The following RABGAP1L variants were observed in gnomAD, a reference collection of about 807,000 sequenced individuals.
RABGAP1L encodes rab GTPase-activating protein 1-like.
In RABGAP1L, 63 loss-of-function variants were observed where a neutral mutation model predicts 137.7. The ratio of observed to expected loss-of-function variants is 0.46; its 90% CI spans 0.37 to 0.56. The LOEUF is 0.56. Ranked by LOEUF, RABGAP1L falls within the 20% of genes least tolerant of loss-of-function variation. The pLI is 0.00. For missense variants in RABGAP1L, 1,095 were observed against 1,244.0 expected, an observed-to-expected ratio of 0.88 and a Z score of 1.80; for synonymous variants, 431 against 433.7, an observed-to-expected ratio of 0.99 and a Z score of 0.08.
intron 11 of RABGAP1L, 28 bp downstream of exon 11, chr1:174,305,155 T>G: frequency 1.3e-6 from 2 of 1,502,150 alleles, no homozygotes; most frequent in Non-Finnish European, 1.8e-6. Context: ...CTCAGTTTAT[T>G]CTGTCTGTAT....
intron 13 of RABGAP1L, among the ~76,000 whole-genome samples, chr1:174,620,266 G>A (rs1344641702): frequency 2.0e-5 from 3 of 152,106 alleles, no homozygotes; most frequent in Non-Finnish European, 4.4e-5. Context: ...ATTGAACTCA[G>A]CTCTGCACCA....
chr1:174,540,694 T>C (rs1211633545), intron 13 of RABGAP1L, among the ~76,000 whole-genome samples: 1 of 151,726 alleles, frequency 6.6e-6, no homozygotes, highest in Admixed American at 6.6e-5. Context: ...TTGGTTACTG[T>C]AGTCTTGTAG....
intron 13 of RABGAP1L, among the ~76,000 whole-genome samples, chr1:174,515,195 G>T (rs925643706): frequency 4.6e-5 from 7 of 152,198 alleles, no homozygotes; most frequent in African/African-American, 1.7e-4. Flanking sequence ...ATCCTATGAA[G>T]TAGTTACTAT....
intron 13 of RABGAP1L, among the ~76,000 whole-genome samples, chr1:174,427,147 TG>T (rs1652057685): frequency 6.5e-4 from 13 of 20,138 alleles, no homozygotes; most frequent in Admixed American, 1.4e-3. Flanking sequence ...CATGTTTATG[TG>T]TGTGTGTGTG....
At chr1:174,784,572 G>A (rs758403314) in intron 18 of RABGAP1L, among the ~76,000 whole-genome samples, 3 of 152,168 alleles carry the variant, frequency 2.0e-5, no homozygotes, top group Non-Finnish European at 4.4e-5. Context: ...TGTAAAGGTT[G>A]AGTTGAGTAG....
chr1:174,260,925 C>G (rs75794924), intron 7 of RABGAP1L, among the ~76,000 whole-genome samples: 1 of 151,218 alleles, frequency 6.6e-6, no homozygotes, highest in Admixed American at 6.6e-5. Flanking sequence ...CCAAGTATTA[C>G]TTCTTATTTC....
At chr1:174,840,322 A>G (rs6687616) in intron 19 of RABGAP1L, among the ~76,000 whole-genome samples, 31,846 of 152,166 alleles carry the variant, frequency 0.21, 3,659 homozygotes, top group Admixed American at 0.25. Flanking sequence ...CCTATCTTCA[A>G]AGAAAGATAT....
chr1:174,815,619 A>G lies in RABGAP1L; in HGVS notation c.2340+3659A>G, dbSNP rs114018356. Among the ~76,000 whole-genome samples the G allele has an allele frequency of 1.8e-3, 277 of 152,338 alleles. 1 individual carries two copies. The highest frequency in any genetic ancestry group is 6.3e-3 in the African/African-American group (264 of 41,588). ...CTTTAAAATAGATGCAGCAGTTGCA[A>G]GCAAAAAATAACTTGTTAGCTCTGT... On this transcript the variant is annotated intron_variant, in intron 19 of 25. Transcript: ENST00000681986.
At chr1:174,568,665 A>G (rs1308976506) in intron 13 of RABGAP1L, among the ~76,000 whole-genome samples, 2 of 152,144 alleles carry the variant, frequency 1.3e-5, no homozygotes, top group Admixed American at 6.5e-5. Context: ...GGATGCCACT[A>G]AAGTTTTATT....
intron 7 of RABGAP1L, among the ~76,000 whole-genome samples, chr1:174,262,196 C>G (rs576845907): frequency 6.6e-6 from 1 of 152,328 alleles, no homozygotes; most frequent in East Asian, 1.9e-4. Flanking sequence ...AAGCTTCTAT[C>G]TGACTCTCAG....
intron 21 of RABGAP1L, among the ~76,000 whole-genome samples, chr1:174,970,953 A>G (rs546465629): frequency 6.6e-6 from 1 of 151,930 alleles, no homozygotes; most frequent in Non-Finnish European, 1.5e-5. Flanking sequence ...TAAACAGTAA[A>G]CATTTATAAT....
rs140213139 is a variant in RABGAP1L at position 174,436,819 on chromosome 1, C to T, written c.1710+42674C>T. Among the ~76,000 whole-genome samples the T allele has an allele frequency of 2.0e-5, 3 of 152,286 alleles. No individual in the cohort carries two copies. In the East Asian group the frequency reaches 5.8e-4, roughly 29 times the overall value. ...GTAGCCTAATTGGGAGGCAACCCCC[C>T]AGTAGGGGCAGACTGAAACCTCACA... On this transcript the variant is annotated intron_variant, in intron 13 of 25. Coordinates refer to ENST00000681986, the MANE Select transcript of RABGAP1L (RefSeq NM_001366446.1).
At chr1:174,510,985 C>CAG (rs1247742960) in intron 13 of RABGAP1L, among the ~76,000 whole-genome samples, 1 of 152,076 alleles carries the variant, frequency 6.6e-6, no homozygotes, top group Non-Finnish European at 1.5e-5. Context: ...GAAGCAAAAG[C>CAG]AGAATCATGA....
rs572197268 is a variant in RABGAP1L, at chr1:174,341,745, A to G, written c.1466-29234A>G. 2.0e-5 allele frequency among the ~76,000 whole-genome samples: 3 copies of G among 152,306 alleles called. No homozygotes were observed. The South Asian group carries it at 6.2e-4, about 32-fold the overall frequency. On this transcript the variant is annotated intron_variant, in intron 11 of 25. Coordinates refer to ENST00000681986, the MANE Select transcript of RABGAP1L (RefSeq NM_001366446.1). The stretch of plus-strand genomic sequence containing the variant: ...ATTCTTATCTTTGTTTTTCAAGGCA[A>G]ATAATTATCTTATGACCTGAAGATT...
intron 13 of RABGAP1L, among the ~76,000 whole-genome samples, chr1:174,475,772 T>TA (rs61597461): frequency 0.018 from 1,238 of 69,922 alleles, 91 homozygotes; most frequent in Non-Finnish European, 0.022. Context: ...CCCCGTGTCT[T>TA]AAAAAAAAAA....
intron 13 of RABGAP1L, among the ~76,000 whole-genome samples, chr1:174,600,347 C>A (rs977410071): frequency 6.6e-6 from 1 of 152,164 alleles, no homozygotes. Flanking sequence ...CATGTCCTCA[C>A]ATTTCAGTAC....
intron 13 of RABGAP1L, among the ~76,000 whole-genome samples, chr1:174,596,626 A>C (rs549427027): frequency 7.2e-5 from 11 of 152,282 alleles, no homozygotes; most frequent in African/African-American, 2.4e-4. Flanking sequence ...TTAAGTCTTT[A>C]GGTTTTTCTA....
intron 17 of RABGAP1L, among the ~76,000 whole-genome samples, chr1:174,731,199 T>G (rs1384125324): frequency 6.6e-6 from 1 of 151,776 alleles, no homozygotes; most frequent in Non-Finnish European, 1.5e-5. Flanking sequence ...TCTCGAACTC[T>G]GACCTCAAGA....
At chr1:174,168,069 A>C (rs1360316467) in intron 1 of RABGAP1L, among the ~76,000 whole-genome samples, 1 of 152,106 alleles carries the variant, frequency 6.6e-6, no homozygotes, top group Non-Finnish European at 1.5e-5. Context: ...GTTTGAGCCT[A>C]GCCTGGCCAA....
Sources: gnomAD v4.1 joint callset for allele counts (sites outside exome capture counted in the v4.1 genomes callset) on GRCh38, gnomAD v4.1.1 for gene constraint, MANE v1.5 for transcripts, NCBI Gene and HGNC (gene_info 2026-07-23, HGNC 2026-07-21) for gene names.